HIVEP1: variants seen among roughly 807,000 people sequenced by gnomAD.
HIVEP1 encodes HIVEP zinc finger 1.
Under a neutral mutation model 180.0 loss-of-function variants are expected in HIVEP1, and 36 were observed. The ratio of observed to expected loss-of-function variants is 0.20; its 90% CI spans 0.15 to 0.26. The LOEUF (loss-of-function observed/expected upper bound fraction) is 0.26, where lower values mean the gene tolerates loss of function less well. HIVEP1 is among the 10% of genes least tolerant of loss of function. The pLI, the probability that HIVEP1 is intolerant of heterozygous loss-of-function variation, is 1.00. For missense variants in HIVEP1, 3,143 were observed against 3,268.7 expected (o/e 0.96, Z 0.94); for synonymous variants, 1,239 against 1,239.0 (o/e 1.00, Z 0.00).
chr6:12,109,033 G>A (rs1243283364), intron 3 of HIVEP1, among the ~76,000 whole-genome samples: 1 of 152,174 alleles, frequency 6.6e-6, no homozygotes, highest in Admixed American at 6.5e-5. Context: ...AGGCTGGAGT[G>A]CAGCGGCGCG....
chr6:12,046,583 A>G (rs1770134475), intron 2 of HIVEP1, among the ~76,000 whole-genome samples: 1 of 151,984 alleles, frequency 6.6e-6, no homozygotes, highest in African/African-American at 2.4e-5. Flanking sequence ...GATCGAGACA[A>G]TCCTGGCCAA....
the HIVEP1 span, among the ~76,000 whole-genome samples, chr6:12,178,455 C>CA: frequency 6.6e-6 from 1 of 152,116 alleles, no homozygotes; most frequent in South Asian, 2.1e-4. Flanking sequence ...TAAAAATATG[C>CA]AATTCATATT....
the HIVEP1 span, among the ~76,000 whole-genome samples, chr6:12,172,925 G>A: frequency 6.6e-6 from 1 of 151,916 alleles, no homozygotes; most frequent in East Asian, 1.9e-4. Flanking sequence ...CTACAAAAAC[G>A]AGTATGTCCA....
chr6:12,056,866 T>C (rs1770912163), intron 2 of HIVEP1, among the ~76,000 whole-genome samples: 2 of 151,908 alleles, frequency 1.3e-5, no homozygotes. Flanking sequence ...AAACAGAATC[T>C]TGCTTTGTTA....
At chr6:12,159,531 C>T (rs529426125) in intron 7 of HIVEP1, among the ~76,000 whole-genome samples, 5 of 151,974 alleles carry the variant, frequency 3.3e-5, no homozygotes, top group Non-Finnish European at 4.4e-5. Flanking sequence ...TCAGCCAGGG[C>T]GGAGGCTCGT....
chr6:12,047,765 TGTGGATGCACCCG>T (rs1770236461), intron 2 of HIVEP1, among the ~76,000 whole-genome samples: 1 of 152,234 alleles, frequency 6.6e-6, no homozygotes, highest in Non-Finnish European at 1.5e-5. Flanking sequence ...ACCTTTTTCC[TGTGGATGCACCCG>T]GTAGGTAGCT....
chr6:12,201,592 C>A, the HIVEP1 span, among the ~76,000 whole-genome samples: 1 of 152,340 alleles, frequency 6.6e-6, no homozygotes, highest in Non-Finnish European at 1.5e-5. Context: ...TCCATACTTA[C>A]AATTTCGGCT....
In HIVEP1 at chr6:12,164,729, A is replaced by G. The variant is rs900190686; in HGVS notation, c.*268A>G. 7 of 226,544 alleles carry G rather than the reference A, an allele frequency of 3.1e-5. No individual in the cohort carries two copies. Among genetic ancestry groups the G allele is most frequent in the African/African-American group, 6.9e-5 (3 of 43,602 alleles). The allele number at this position is 226,544 out of a possible 1,614,324, so 14.0% of individuals were successfully genotyped here. A position where few individuals can be genotyped will look rare whatever the true frequency, so the allele number is the denominator to read the frequency against. On this transcript the variant is annotated 3_prime_UTR_variant, in exon 9 of 9. Transcript: ENST00000379388. ...ATACATAAAAATATATTATATATGT[A>G]TATGAAAACCAGGTAGTTATTTGTG...
In HIVEP1 at chr6:12,123,435, C is replaced by A; in HGVS notation, c.3640C>A (p.Pro1214Thr). Reference sequence around the variant, plus strand: ...ACTTCAGGAAAGCTCCAGAAAGAGTCCAAGTGAACGACATGTGTTAGGACA... The same window carrying A: ...ACTTCAGGAAAGCTCCAGAAAGAGTACAAGTGAACGACATGTGTTAGGACA... ...GELQESSRKS[P>T]SERHVLGQPS... Residue 1214 changes from proline (P) to threonine (T), a missense_variant, in exon 4 of 9, where the codon CCA becomes ACA. Pro to Thr is a conservative substitution (Grantham distance 38). Transcript: ENST00000379388. 2 of 1,614,152 alleles carry A rather than the reference C, an allele frequency of 1.2e-6. No homozygotes were observed. The highest frequency in any genetic ancestry group is 1.7e-6 in the Non-Finnish European group (2 of 1,180,020).
intron 2 of HIVEP1, among the ~76,000 whole-genome samples, chr6:12,027,718 G>A (rs763572076): frequency 1.3e-5 from 2 of 152,194 alleles, no homozygotes; most frequent in Non-Finnish European, 2.9e-5. Flanking sequence ...CCTGTGAGTG[G>A]AGTGCCAGGT....
At chr6:12,083,607 A>G (rs938195152) in intron 2 of HIVEP1, among the ~76,000 whole-genome samples, 5 of 152,146 alleles carry the variant, frequency 3.3e-5, no homozygotes, top group South Asian at 2.1e-4. Context: ...AAGGCTGCCT[A>G]CCAGAGCTGC....
At chr6:12,068,321 C>G (rs531742130) in intron 2 of HIVEP1, among the ~76,000 whole-genome samples, 41 of 152,216 alleles carry the variant, frequency 2.7e-4, no homozygotes, top group African/African-American at 9.9e-4. Context: ...AACTCCTGAC[C>G]TCAGGTGATC....
Position 12,125,323 on chromosome 6 carries a change from G to T in HIVEP1, c.5528G>T (p.Cys1843Phe). The T allele has an allele frequency of 6.2e-7, 1 of 1,613,986 alleles. No individual in the cohort carries two copies. Among genetic ancestry groups the T allele is most frequent in the African/African-American group, 1.3e-5 (1 of 75,024 alleles). ...CCAGCTGATAATTCATCAACAGGATGCTCTAAATTTGTCGTTATAGAACCT... is the reference window on the plus strand; with the variant it reads ...CCAGCTGATAATTCATCAACAGGATTCTCTAAATTTGTCGTTATAGAACCT... Reference protein sequence around the residue: ...VLPADNSSTGCSKFVVIEPIS... With the variant: ...VLPADNSSTGFSKFVVIEPIS... The change falls in exon 4 of 9, where the codon TGC becomes TTC. Residue 1843 changes from cysteine (C) to phenylalanine (F), a missense_variant. By Grantham distance (205) the Cys-to-Phe change is radical. This residue lies in a region of HIVEP1 where 1,357 missense variants were observed against 1,260.5 expected (regional missense o/e 1.08). Coordinates refer to ENST00000379388, the MANE Select transcript of HIVEP1 (RefSeq NM_002114.4).
At position 12,055,226 on chromosome 6, in the gene HIVEP1, T is replaced by G. The variant is rs543935523; in HGVS notation, c.41-33958T>G. 2.3e-4 allele frequency among the ~76,000 whole-genome samples: 35 copies of G among 152,282 alleles called. 1 individual carries two copies. The highest frequency in any genetic ancestry group is 4.1e-4 in the Non-Finnish European group (28 of 68,006). ...TCAGTGGCTCACGCCTGTAATCCCATCACTTTGGGAGGCCAAGGCGGACGA... is the reference window on the plus strand; with the variant it reads ...TCAGTGGCTCACGCCTGTAATCCCAGCACTTTGGGAGGCCAAGGCGGACGA... On this transcript the variant is annotated intron_variant, in intron 2 of 8. Coordinates refer to ENST00000379388, the MANE Select transcript of HIVEP1 (RefSeq NM_002114.4).
At chr6:12,166,280 A>G (rs529963774), downstream of HIVEP1, among the ~76,000 whole-genome samples, 1 of 152,300 alleles carries the variant, frequency 6.6e-6, no homozygotes, top group South Asian at 2.1e-4. Context: ...TAAATTCAAA[A>G]ATAATGCTTG....
intron 7 of HIVEP1, among the ~76,000 whole-genome samples, chr6:12,153,005 TCAG>T (rs1759799036): frequency 6.6e-6 from 1 of 152,212 alleles, no homozygotes; most frequent in African/African-American, 2.4e-5. Context: ...AAAAAAGAAA[TCAG>T]CATGCTTCTT....
intron 7 of HIVEP1, 39 bp from the exon 8 acceptor site, chr6:12,161,400 A>G (rs1321554900): frequency 1.3e-6 from 2 of 1,568,180 alleles, no homozygotes; most frequent in Non-Finnish European, 1.7e-6. Flanking sequence ...GTGCACTTGG[A>G]AAGCATTCCA....
At chr6:12,113,435 C>T (rs1168466147) in intron 3 of HIVEP1, among the ~76,000 whole-genome samples, 6 of 151,980 alleles carry the variant, frequency 3.9e-5, no homozygotes, top group Middle Eastern at 3.4e-3. Flanking sequence ...GAAAGTTTAC[C>T]GCAGGCTGAA....
intron 3 of HIVEP1, among the ~76,000 whole-genome samples, chr6:12,106,364 C>T (rs529110300): frequency 2.6e-5 from 4 of 151,450 alleles, no homozygotes; most frequent in African/African-American, 4.8e-5. Flanking sequence ...ATTTTTTTTC[C>T]GGGGGATGGT....
Sources: gnomAD v4.1 joint callset for allele counts (sites outside exome capture counted in the v4.1 genomes callset) on GRCh38, gnomAD v4.1.1 for gene constraint, gnomAD v4.1.1 regional missense constraint, MANE v1.5 for transcripts, NCBI Gene and HGNC (gene_info 2026-07-23, HGNC 2026-07-21) for gene names.